Variants in ZNF365 observed in about 807,000 individuals in gnomAD.
The protein encoded by ZNF365 is zinc finger protein 365, also known as protein ZNF365.
In ZNF365, 22 loss-of-function variants were observed where a neutral mutation model predicts 35.0. That is an observed-to-expected ratio of 0.63 (90% CI 0.45 to 0.90). The LOEUF is 0.90. Ranked by LOEUF, ZNF365 falls within the 40% of genes least tolerant of loss-of-function variation. The probability of loss-of-function intolerance (pLI) is 0.00; values close to 1 mark genes in which losing one functional copy is unlikely to be tolerated. For synonymous variants in ZNF365, 188 were observed against 196.2 expected, an observed-to-expected ratio of 0.96 and a Z score of 0.35; for missense variants, 448 against 500.3, an observed-to-expected ratio of 0.90 and a Z score of 1.00.
chr10:62,383,962 GATCTGGAAATCATTCTGCATAATA>G (rs1839482299), intron 2 of ZNF365, among the ~76,000 whole-genome samples: 2 of 151,894 alleles, frequency 1.3e-5, no homozygotes, highest in South Asian at 4.2e-4. Flanking sequence ...CAGATTTCCA[GATCTGGAAATCATTCTGCATAATA>G]ATGAGCTTCA....
intron 3 of ZNF365, among the ~76,000 whole-genome samples, chr10:62,421,154 T>A (rs183217641): frequency 8.4e-4 from 128 of 152,302 alleles, no homozygotes; most frequent in African/African-American, 2.8e-3. Flanking sequence ...GATTTGATTG[T>A]TAATGTCTAA....
At chr10:62,377,030 A>C in intron 2 of ZNF365, 94 bp downstream of exon 2, 1 of 1,474,484 alleles carries the variant, frequency 6.8e-7, no homozygotes, top group Non-Finnish European at 9.0e-7. Flanking sequence ...GATTTTTGCT[A>C]TTTGCAGGTG....
chr10:62,386,102 C>G (rs1269533835), intron 2 of ZNF365, among the ~76,000 whole-genome samples: 1 of 152,144 alleles, frequency 6.6e-6, no homozygotes, highest in Non-Finnish European at 1.5e-5. Flanking sequence ...TTCCAGAATA[C>G]TCCATCCCAA....
intron 2 of ZNF365, among the ~76,000 whole-genome samples, chr10:62,378,974 CAT>C (rs2132408434): frequency 6.6e-6 from 1 of 150,734 alleles, no homozygotes; most frequent in Admixed American, 6.6e-5. Flanking sequence ...TATCCTTGTA[CAT>C]GTTTGTTCAC....
At chr10:62,377,984 A>G (rs896107243) in intron 2 of ZNF365, among the ~76,000 whole-genome samples, 13 of 152,268 alleles carry the variant, frequency 8.5e-5, no homozygotes, top group Admixed American at 4.6e-4. Context: ...TAGATTAAAG[A>G]GATCATTACT....
intron 3 of ZNF365, among the ~76,000 whole-genome samples, chr10:62,446,429 G>A (rs1018404930): frequency 3.9e-5 from 6 of 152,140 alleles, no homozygotes; most frequent in African/African-American, 1.4e-4. Context: ...AGGTAGTTGA[G>A]AATATTAAAT....
intron 3 of ZNF365, among the ~76,000 whole-genome samples, chr10:62,414,046 C>T (rs1214483840): frequency 6.6e-6 from 1 of 152,172 alleles, no homozygotes; most frequent in Non-Finnish European, 1.5e-5. Flanking sequence ...CAGTGTTTCT[C>T]AGCCAATAAA....
Position 62,438,101 on chromosome 10 carries a change from A to G in ZNF365, c.925-21640A>G, listed in dbSNP as rs115334549. 5.7e-3 allele frequency among the ~76,000 whole-genome samples: 873 copies of G among 152,298 alleles called. 6 individuals are homozygous for G. Among genetic ancestry groups the G allele is most frequent in the African/African-American group, 0.021 (854 of 41,564 alleles). On this transcript the variant is annotated intron_variant, in intron 3 of 4. Coordinates refer to the ZNF365 transcript ENST00000395255. Reference sequence around the variant, plus strand: ...ATGCATTCATTTCATAAATATTGAGAGTCCACAGATCCTGTGACAAGGACT... The same window carrying G: ...ATGCATTCATTTCATAAATATTGAGGGTCCACAGATCCTGTGACAAGGACT...
At chr10:62,377,038 G>T in intron 2 of ZNF365, 102 bp downstream of exon 2, 2 of 1,424,878 alleles carry the variant, frequency 1.4e-6, no homozygotes, top group Non-Finnish European at 1.9e-6. Context: ...CTATTTGCAG[G>T]TGCCTTGACT....
At chr10:62,389,148 C>T (rs991739935) in intron 3 of ZNF365, among the ~76,000 whole-genome samples, 23 of 152,084 alleles carry the variant, frequency 1.5e-4, no homozygotes, top group Non-Finnish European at 2.2e-4. Context: ...GTTTAAGAAA[C>T]GCCTAAAGCC....
At chr10:62,419,731 A>G (rs996069179) in intron 3 of ZNF365, among the ~76,000 whole-genome samples, 8 of 152,100 alleles carry the variant, frequency 5.3e-5, no homozygotes. Flanking sequence ...TTCTTGTGTT[A>G]TTTATTGTTG....
At chr10:62,396,253 C>A (rs1839725527) in intron 3 of ZNF365, among the ~76,000 whole-genome samples, 1 of 152,226 alleles carries the variant, frequency 6.6e-6, no homozygotes, top group Non-Finnish European at 1.5e-5. Context: ...TGTACATGAA[C>A]ACATAGTTTT....
At chr10:62,461,188 T>C (rs1840841252) in intron 4 of ZNF365, among the ~76,000 whole-genome samples, 1 of 152,150 alleles carries the variant, frequency 6.6e-6, no homozygotes, top group Admixed American at 6.5e-5. Flanking sequence ...TAAAGACAAG[T>C]ACACATCTCC....
rs986437268 is a variant in ZNF365, at chr10:62,402,298, G to A, written c.*2509G>A. The A allele has an allele frequency of 9.1e-6, 9 of 985,450 alleles. No individual in the cohort carries two copies. In the African/African-American group the frequency reaches 1.4e-4, roughly 15 times the overall value. 61.0% of individuals were successfully genotyped at this position (985,450 alleles called of 1,614,324 possible). A position where few individuals can be genotyped will look rare whatever the true frequency, so the allele number is the denominator to read the frequency against. ...CCCTTTTTCCCAAACTAGGTTACAG[G>A]TTCTTATCTGCAAGGTTCAAGTTGC... On this transcript the variant is annotated 3_prime_UTR_variant, in exon 5 of 5. Coordinates refer to ENST00000395254, the MANE Select transcript of ZNF365 (RefSeq NM_014951.3).
intron 3 of ZNF365, among the ~76,000 whole-genome samples, chr10:62,428,163 G>A (rs955695689): frequency 6.6e-6 from 1 of 152,218 alleles, no homozygotes; most frequent in African/African-American, 2.4e-5. Flanking sequence ...TTGTGAGGTT[G>A]GAAATATTAG....
At chr10:62,430,950 T>G (rs1840325073) in intron 3 of ZNF365, among the ~76,000 whole-genome samples, 1 of 152,224 alleles carries the variant, frequency 6.6e-6, no homozygotes, top group African/African-American at 2.4e-5. Flanking sequence ...ATTAAGAATC[T>G]AATACTATCA....
intron 3 of ZNF365, among the ~76,000 whole-genome samples, chr10:62,440,647 C>T (rs1178694792): frequency 6.6e-6 from 1 of 152,190 alleles, no homozygotes. Flanking sequence ...AATGAAAATA[C>T]TGCCTTACTA....
intron 1 of ZNF365, chr10:62,375,971 T>C: frequency 1.8e-6 from 1 of 545,870 alleles, no homozygotes; most frequent in Non-Finnish European, 3.2e-6. Context: ...CAATAAATAA[T>C]ACAGAAATTG....
chr10:62,382,764 G>T (rs1233833318), intron 2 of ZNF365, among the ~76,000 whole-genome samples: 1 of 152,208 alleles, frequency 6.6e-6, no homozygotes, highest in Non-Finnish European at 1.5e-5. Flanking sequence ...CCTGTGCTCG[G>T]AGGTGGTCGA....
Sources: gnomAD v4.1 joint callset for allele counts (sites outside exome capture counted in the v4.1 genomes callset) on GRCh38, gnomAD v4.1.1 for gene constraint, MANE v1.5 for transcripts, NCBI Gene and HGNC (gene_info 2026-07-23, HGNC 2026-07-21) for gene names.